TFEC: variants seen among roughly 807,000 people sequenced by gnomAD.
TFEC encodes the protein transcription factor EC, also known as class E basic helix-loop-helix protein 34.
TFEC carries 31 observed loss-of-function variants against 41.6 expected under a neutral mutation model. The observed-to-expected ratio is 0.74, with a 90% CI of 0.56 to 1.01. TFEC has a LOEUF of 1.01. Among genes scored for constraint, TFEC ranks in the 50% least tolerant of loss-of-function variants. The pLI, the probability that TFEC is intolerant of heterozygous loss-of-function variation, is 0.00. For synonymous variants in TFEC, 143 were observed against 140.6 expected (o/e 1.02, Z -0.12); for missense variants, 402 against 404.1 (o/e 0.99, Z 0.04).
chr7:115,940,998 C>A (rs992510002), intron 7 of TFEC, 67 bp from the exon 8 acceptor site: 13 of 1,403,194 alleles, frequency 9.3e-6, no homozygotes, highest in Non-Finnish European at 1.2e-5. Flanking sequence ...GAGAATAAGC[C>A]AGACATAGAA....
intron 2 of TFEC, among the ~76,000 whole-genome samples, chr7:115,983,233 T>C (rs1793706599): frequency 6.6e-6 from 1 of 152,158 alleles, no homozygotes; most frequent in Non-Finnish European, 1.5e-5. Flanking sequence ...GGTATTTACA[T>C]TCGGTTTTAG....
intron 3 of TFEC, among the ~76,000 whole-genome samples, chr7:116,048,522 G>GGTGT (rs2130945291): frequency 6.6e-6 from 1 of 152,322 alleles, no homozygotes; most frequent in South Asian, 2.1e-4. Context: ...ACCTGAAAGT[G>GGTGT]ACAGGGAGAA....
chr7:116,033,231 A>T (rs901097268), upstream of TFEC, among the ~76,000 whole-genome samples: 1 of 152,042 alleles, frequency 6.6e-6, no homozygotes, highest in African/African-American at 2.4e-5. Context: ...TCTTCTCACA[A>T]AGAAGAAATG....
At chr7:116,101,304 C>A (rs1221913001) in intron 3 of TFEC, among the ~76,000 whole-genome samples, 2 of 151,022 alleles carry the variant, frequency 1.3e-5, no homozygotes, top group Non-Finnish European at 2.9e-5. Flanking sequence ...AGAGAGACAG[C>A]AAGAGAGGAA....
At chr7:116,144,772 G>C (rs1413222124) in intron 1 of TFEC, among the ~76,000 whole-genome samples, 1 of 152,188 alleles carries the variant, frequency 6.6e-6, no homozygotes. Flanking sequence ...AGAAGAAGCA[G>C]CAATTCTGCC....
intron 1 of TFEC, among the ~76,000 whole-genome samples, chr7:115,994,765 C>A (rs1387783658): frequency 6.6e-6 from 1 of 152,146 alleles, no homozygotes; most frequent in Non-Finnish European, 1.5e-5. Context: ...TAAACTAGTT[C>A]AACCATTGTG....
intron 1 of TFEC, among the ~76,000 whole-genome samples, chr7:115,996,237 T>C (rs1226303875): frequency 6.6e-6 from 1 of 151,980 alleles, no homozygotes; most frequent in Admixed American, 6.5e-5. Context: ...GCAACATGGG[T>C]ACCAGCTCAG....
chr7:116,135,942 T>A (rs1048634682), intron 1 of TFEC, among the ~76,000 whole-genome samples: 1 of 152,116 alleles, frequency 6.6e-6, no homozygotes, highest in Non-Finnish European at 1.5e-5. Flanking sequence ...CTTTAGAAAA[T>A]TAGCTTTTAG....
chr7:116,094,837 T>C (rs190679567), intron 3 of TFEC, among the ~76,000 whole-genome samples: 1 of 152,334 alleles, frequency 6.6e-6, no homozygotes, highest in African/African-American at 2.4e-5. Flanking sequence ...TTCAATGTTA[T>C]AATAGCACCA....
intron 1 of TFEC, among the ~76,000 whole-genome samples, chr7:115,986,197 T>C (rs1200550104): frequency 6.6e-6 from 1 of 152,186 alleles, no homozygotes; most frequent in South Asian, 2.1e-4. Context: ...ATATCAACTA[T>C]AGCAACAACA....
intron 3 of TFEC, among the ~76,000 whole-genome samples, chr7:116,096,982 C>T (rs1797477410): frequency 6.6e-6 from 1 of 151,630 alleles, no homozygotes; most frequent in Admixed American, 6.6e-5. Flanking sequence ...CCCAGCTACT[C>T]GGGAGGCTGA....
intron 3 of TFEC, among the ~76,000 whole-genome samples, chr7:116,060,603 A>T (rs1796531321): frequency 6.6e-6 from 1 of 152,096 alleles, no homozygotes; most frequent in African/African-American, 2.4e-5. Context: ...TAGCAAACAA[A>T]CTCAGGAAAA....
At position 116,077,743 on chromosome 7, in the gene TFEC, A is replaced by T. The variant is rs533705538; in HGVS notation, c.198+32965T>A. Among the ~76,000 whole-genome samples the T allele has an allele frequency of 2.0e-5, 3 of 152,216 alleles. No homozygotes were observed. In the South Asian group the frequency reaches 6.2e-4, roughly 32 times the overall value. ...GAAAATATCACAATCCTAAATATAG[A>T]TGCACCTAACACTGGACCTCCAAAA... On this transcript the variant is annotated intron_variant, in intron 3 of 8. Transcript: ENST00000484212.
chr7:116,008,890 T>C (rs959801212), intron 1 of TFEC, among the ~76,000 whole-genome samples: 4 of 152,192 alleles, frequency 2.6e-5, no homozygotes, highest in African/African-American at 9.6e-5. Context: ...TGGATAATAA[T>C]ATAAAATGTG....
rs149607488 is a variant in TFEC at position 116,042,954 on chromosome 7, T to C, written c.199-58441A>G. On this transcript the variant is annotated intron_variant, in intron 3 of 8. Transcript: ENST00000484212. ...AGATGACAATAATATGTGAGAGAGC[T>C]GATCACAAATACATGTACTTTTGTT... Among the ~76,000 whole-genome samples the C allele has an allele frequency of 2.6e-5, 4 of 152,298 alleles. No individual in the cohort carries two copies. In the South Asian group the frequency reaches 8.3e-4, roughly 32 times the overall value.
At chr7:116,158,764 A>G (rs1584585585) in intron 1 of TFEC, among the ~76,000 whole-genome samples, 1 of 152,090 alleles carries the variant, frequency 6.6e-6, no homozygotes, top group Non-Finnish European at 1.5e-5. Flanking sequence ...AGGTCCCACT[A>G]TAATAGCACA....
chr7:116,057,858 T>C (rs1352043057), intron 3 of TFEC, among the ~76,000 whole-genome samples: 1 of 151,632 alleles, frequency 6.6e-6, no homozygotes, highest in East Asian at 1.9e-4. Context: ...AAAGCAACCA[T>C]TGAGATAGCT....
chr7:116,090,455 CTTTG>C (rs1797300032), intron 3 of TFEC, among the ~76,000 whole-genome samples: 1 of 152,058 alleles, frequency 6.6e-6, no homozygotes, highest in Non-Finnish European at 1.5e-5. Context: ...TCTTTCCTTG[CTTTG>C]TTTGTGCATT....
At chr7:116,021,469 T>A (rs1795392094) in intron 1 of TFEC, among the ~76,000 whole-genome samples, 1 of 152,198 alleles carries the variant, frequency 6.6e-6, no homozygotes, top group South Asian at 2.1e-4. Flanking sequence ...GATGGTGTTG[T>A]AGCCTATAAA....
Sources: allele counts gnomAD v4.1 joint callset (sites outside exome capture counted in the v4.1 genomes callset), GRCh38; gene constraint gnomAD v4.1.1; transcripts MANE v1.5; gene names NCBI Gene and HGNC (gene_info 2026-07-23, HGNC 2026-07-21).